Variants in MAK observed in about 807,000 individuals in gnomAD.
MAK encodes the protein serine/threonine-protein kinase MAK.
Under a neutral mutation model 82.6 loss-of-function variants are expected in MAK, and 65 were observed. The ratio of observed to expected loss-of-function variants is 0.79; its 90% CI spans 0.64 to 0.97. MAK has a LOEUF of 0.97. Among genes scored for constraint, MAK ranks in the 50% least tolerant of loss-of-function variants. The pLI is 0.00. For missense variants in MAK, 703 were observed against 780.2 expected (o/e 0.90, Z 1.18); for synonymous variants, 250 against 274.2 (o/e 0.91, Z 0.87).
intron 5 of MAK, among the ~76,000 whole-genome samples, chr6:10,812,909 G>A (rs7759247): frequency 0.16 from 24,075 of 148,816 alleles, 1,913 homozygotes; most frequent in Middle Eastern, 0.21. Context: ...GATTATAGGC[G>A]CGCGCCACCA....
intron 11 of MAK, among the ~76,000 whole-genome samples, chr6:10,777,194 G>A (rs1481607826): frequency 6.6e-6 from 1 of 152,056 alleles, no homozygotes; most frequent in Non-Finnish European, 1.5e-5. Flanking sequence ...ATCACCTGAG[G>A]TCAGGAGTTC....
At chr6:10,830,144 T>TGTGC (rs1346510820) in intron 2 of MAK, among the ~76,000 whole-genome samples, 4 of 147,534 alleles carry the variant, frequency 2.7e-5, no homozygotes, top group Non-Finnish European at 5.9e-5. Flanking sequence ...TGTGTGTGTG[T>TGTGC]GTGTGTGTGT....
chr6:10,794,484 G>A (rs1346608422), intron 9 of MAK, among the ~76,000 whole-genome samples: 1 of 152,206 alleles, frequency 6.6e-6, no homozygotes, highest in African/African-American at 2.4e-5. Context: ...GGGGGACGAG[G>A]AGGCCTTGCT....
chr6:10,829,146 C>G, intron 2 of MAK: 1 of 152,316 alleles, frequency 6.6e-6, no homozygotes, highest in East Asian at 1.9e-4. Flanking sequence ...TAAGCTACTT[C>G]TAAATTCCTG....
At chr6:10,802,152 T>C (rs1442688314) in intron 7 of MAK, 93 bp from the exon 8 acceptor site, 3 of 930,798 alleles carry the variant, frequency 3.2e-6, no homozygotes, top group Non-Finnish European at 5.0e-6. Flanking sequence ...ATAAACATCA[T>C]TTATGTTTGA....
chr6:10,770,523 C>A (rs1772906236), intron 13 of MAK, among the ~76,000 whole-genome samples: 1 of 152,114 alleles, frequency 6.6e-6, no homozygotes, highest in South Asian at 2.1e-4. Context: ...GTGTTCAGTT[C>A]ACCCTGAACA....
chr6:10,789,600 T>C (rs1312373225), intron 10 of MAK, among the ~76,000 whole-genome samples: 1 of 152,150 alleles, frequency 6.6e-6, no homozygotes, highest in Non-Finnish European at 1.5e-5. Flanking sequence ...TAACTAATAC[T>C]AAAATAGAAC....
chr6:10,797,397 CTTA>C (rs1227357258), intron 8 of MAK, among the ~76,000 whole-genome samples: 1 of 152,120 alleles, frequency 6.6e-6, no homozygotes, highest in Non-Finnish European at 1.5e-5. Context: ...GGAGACATTT[CTTA>C]TTATAATGAC....
intron 12 of MAK, among the ~76,000 whole-genome samples, chr6:10,774,080 C>T (rs1420747572): frequency 6.6e-6 from 1 of 152,128 alleles, no homozygotes. Context: ...GGACATTTCA[C>T]ATTAATTCTT....
At chr6:10,770,840 G>A (rs1024577195) in intron 13 of MAK, among the ~76,000 whole-genome samples, 10 of 152,128 alleles carry the variant, frequency 6.6e-5, no homozygotes, top group Non-Finnish European at 1.0e-4. Context: ...TCTAAAGTCT[G>A]GAGACCAGTG....
intron 12 of MAK, among the ~76,000 whole-genome samples, chr6:10,775,032 G>A (rs1230370691): frequency 6.6e-6 from 1 of 152,176 alleles, no homozygotes; most frequent in Non-Finnish European, 1.5e-5. Flanking sequence ...TGGCCAGGTT[G>A]ATCTCGAACT....
chr6:10,810,596 C>T (rs184612461), intron 5 of MAK, among the ~76,000 whole-genome samples: 26 of 152,290 alleles, frequency 1.7e-4, no homozygotes, highest in Admixed American at 7.2e-4. Flanking sequence ...GCTTCACCCT[C>T]CCAAAGTGCT....
chr6:10,823,568 T>G (rs1172043281), intron 2 of MAK, among the ~76,000 whole-genome samples: 1 of 152,186 alleles, frequency 6.6e-6, no homozygotes, highest in Non-Finnish European at 1.5e-5. Flanking sequence ...CTCACTCTGT[T>G]GCCTGGGCTG....
intron 11 of MAK, chr6:10,780,359 C>T: frequency 2.4e-6 from 1 of 410,758 alleles, no homozygotes; most frequent in Non-Finnish European, 3.3e-6. Flanking sequence ...GGATAAATAT[C>T]CTTTGACAAA....
intron 11 of MAK, among the ~76,000 whole-genome samples, chr6:10,784,091 C>T (rs1774290278): frequency 6.6e-6 from 1 of 151,224 alleles, no homozygotes. Flanking sequence ...TGAAAATCTA[C>T]ATTTTATAAA....
At chr6:10,784,346 C>G in intron 11 of MAK, 78 bp downstream of exon 11, 2 of 1,529,074 alleles carry the variant, frequency 1.3e-6, no homozygotes, top group Non-Finnish European at 1.8e-6. Context: ...GCTGCCCTTT[C>G]TTTGGAGATT....
intron 12 of MAK, among the ~76,000 whole-genome samples, chr6:10,774,775 T>G (rs561308814): frequency 2.5e-4 from 38 of 152,314 alleles, no homozygotes; most frequent in African/African-American, 8.4e-4. Flanking sequence ...GACATCAACA[T>G]ACCAGAATTT....
At chr6:10,805,070 C>CGGGGG (rs60993333) in intron 6 of MAK, among the ~76,000 whole-genome samples, 5 of 100,218 alleles carry the variant, frequency 5.0e-5, no homozygotes, top group African/African-American at 2.1e-4. Flanking sequence ...ATGTGTGTGT[C>CGGGGG]GGGGGGGGGG....
In MAK at chr6:10,808,820, A is replaced by G. The variant is rs372605229; in HGVS notation, c.481T>C (p.Ser161Pro). 5.0e-6 allele frequency: 8 copies of G among 1,613,956 alleles called. No individual in the cohort carries two copies. The African/African-American group carries it at 8.0e-5, about 16-fold the overall frequency. Residue 161 changes from serine to proline, a missense_variant, in exon 6 of 15, where the codon TCT becomes CCT. Ser to Pro is a moderately conservative substitution (Grantham distance 74). Coordinates refer to ENST00000354489, the MANE Select transcript of MAK (RefSeq NM_001242957.3). ...RSQPPYTDYVSTRWYRAPEVL... is the reference protein window; with the variant it reads ...RSQPPYTDYVPTRWYRAPEVL... The stretch of plus-strand genomic sequence containing the variant: ...ATAACCCCTACTCACCATCTGGTAG[A>G]TACATAATCAGTGTATGGTGGCTGT...
Sources: allele counts gnomAD v4.1 joint callset (sites outside exome capture counted in the v4.1 genomes callset), GRCh38; gene constraint gnomAD v4.1.1; transcripts MANE v1.5; gene names NCBI Gene and HGNC (gene_info 2026-07-23, HGNC 2026-07-21).